The following BCR variants were observed in gnomAD, a reference collection of about 807,000 sequenced individuals.
BCR encodes breakpoint cluster region protein.
Under a neutral mutation model 138.6 loss-of-function variants are expected in BCR, and 58 were observed. The observed-to-expected ratio is 0.42, with a 90% CI of 0.34 to 0.52. The LOEUF (loss-of-function observed/expected upper bound fraction) is 0.52. Ranked by LOEUF, BCR falls within the 20% of genes least tolerant of loss-of-function variation. The pLI is 0.06. For synonymous variants in BCR, 786 were observed against 730.1 expected (o/e 1.08, Z -1.23); for missense variants, 1,599 against 1,727.2 (o/e 0.93, Z 1.32).
chr22:23,290,862 C>G (rs1311702246), intron 14 of BCR: 1 of 214,044 alleles, frequency 4.7e-6, no homozygotes, highest in Non-Finnish European at 9.6e-6. Flanking sequence ...TCTCCCCCAG[C>G]TACTGGAGCT....
At chr22:23,184,816 CCTCA>C (rs1209082089) in intron 1 of BCR, among the ~76,000 whole-genome samples, 1 of 152,182 alleles carries the variant, frequency 6.6e-6, no homozygotes, top group African/African-American at 2.4e-5. Context: ...AAAGAGGAAT[CCTCA>C]CTGGCTCAGC....
At chr22:23,248,934 C>T (rs546432856) in intron 1 of BCR, among the ~76,000 whole-genome samples, 3 of 152,284 alleles carry the variant, frequency 2.0e-5, no homozygotes, top group Admixed American at 2.0e-4. Flanking sequence ...CCAATTGGTT[C>T]TGGCTCTTGG....
intron 1 of BCR, among the ~76,000 whole-genome samples, chr22:23,236,798 G>T (rs1452947528): frequency 6.6e-6 from 1 of 152,248 alleles, no homozygotes; most frequent in African/African-American, 2.4e-5. Context: ...GGGTCTGTCT[G>T]TTAAGCAAGG....
intron 1 of BCR, among the ~76,000 whole-genome samples, chr22:23,209,674 G>T (rs2072659482): frequency 6.6e-6 from 1 of 152,048 alleles, no homozygotes; most frequent in Non-Finnish European, 1.5e-5. Context: ...CTCCCAAGTA[G>T]CTGGGACTAC....
intron 1 of BCR, among the ~76,000 whole-genome samples, chr22:23,242,103 C>T (rs893711658): frequency 2.0e-4 from 31 of 152,162 alleles, no homozygotes; most frequent in African/African-American, 7.0e-4. Flanking sequence ...ATTAGTTTTA[C>T]AGGTGCATGG....
chr22:23,260,961 C>T lies in BCR; in HGVS notation c.1473C>T (p.Asp491=), dbSNP rs1479708205. ...TATTTCTCCTGCAGAGTGAGCTGGA[C>T]TTGGAAAAGGGCTTGGAGATGAGAA... ...ALESTKASEL[D]LEKGLEMRKW... Residue 491 remains aspartate, a synonymous_variant, in exon 3 of 23, where the codon GAC becomes GAT. Coordinates refer to ENST00000305877, the MANE Select transcript of BCR (RefSeq NM_004327.4). 1 of 1,613,840 alleles carries T rather than the reference C, an allele frequency of 6.2e-7. No homozygotes were observed. The highest frequency in any genetic ancestry group is 8.5e-7 in the Non-Finnish European group (1 of 1,179,976).
At chr22:23,198,163 T>G in intron 1 of BCR, 1 of 363,592 alleles carries the variant, frequency 2.8e-6, no homozygotes, top group South Asian at 2.1e-5. Flanking sequence ...TCCAAGTGAG[T>G]ATAGGAGAGA....
chr22:23,275,785 T>C (rs1478587750), intron 8 of BCR, among the ~76,000 whole-genome samples: 1 of 152,192 alleles, frequency 6.6e-6, no homozygotes, highest in African/African-American at 2.4e-5. Flanking sequence ...TGCCTGCTCT[T>C]TCTCTTCTAC....
chr22:23,226,129 G>T (rs113995274), intron 1 of BCR, among the ~76,000 whole-genome samples: 36 of 152,292 alleles, frequency 2.4e-4, no homozygotes, highest in African/African-American at 8.7e-4. Context: ...CTTGCACTCC[G>T]TAAATGATTC....
At chr22:23,303,683 A>G (rs1395511448) in intron 16 of BCR, among the ~76,000 whole-genome samples, 1 of 152,260 alleles carries the variant, frequency 6.6e-6, no homozygotes, top group Non-Finnish European at 1.5e-5. Flanking sequence ...ATGTAAGATC[A>G]CATGAGCAAA....
rs773135676 is a variant in BCR at position 23,181,083 on chromosome 22, C to T, written c.123C>T (p.Ser41=). 28 of 1,516,870 alleles carry T rather than the reference C, an allele frequency of 1.8e-5. No homozygotes were observed. The South Asian group carries it at 3.1e-4, about 17-fold the overall frequency. 94.0% of individuals were successfully genotyped at this position (1,516,870 alleles called of 1,614,324 possible). Residue 41 remains serine (S), a synonymous_variant, in exon 1 of 23, where the codon TCC becomes TCT. Coordinates refer to ENST00000305877, the MANE Select transcript of BCR (RefSeq NM_004327.4). The stretch of plus-strand genomic sequence containing the variant: ...AGGAGCTGGAGCGCTGCAAGGCCTC[C>T]ATTCGGCGCCTGGAGCAGGAGGTGA... The part of the protein sequence containing the change: ...IEQELERCKA[S]IRRLEQEVNQ...
At chr22:23,271,287 G>A (rs1468900742) in intron 5 of BCR, among the ~76,000 whole-genome samples, 1 of 152,254 alleles carries the variant, frequency 6.6e-6, no homozygotes, top group Non-Finnish European at 1.5e-5. Flanking sequence ...AGAATCTGTA[G>A]CCCAAAATGT....
intron 16 of BCR, 108 bp downstream of exon 16, chr22:23,295,263 G>T: frequency 1.2e-5 from 14 of 1,165,948 alleles, no homozygotes; most frequent in African/African-American, 1.5e-5. Context: ...GTGGGGTGGG[G>T]TGGGCAGCTG....
intron 15 of BCR, among the ~76,000 whole-genome samples, chr22:23,292,840 C>T (rs2073803988): frequency 6.6e-6 from 1 of 152,252 alleles, no homozygotes; most frequent in Non-Finnish European, 1.5e-5. Flanking sequence ...TTACCCATCC[C>T]TGTCATCACA....
In BCR at chr22:23,271,537, G is replaced by C; in HGVS notation, c.1866G>C (p.Leu622=). ...NAQFAEISEN[L]RARSNKDAKD... is the part of the protein sequence containing the mutation. ...ATGCGCTTTTCTCTCTGCAGAACCT[G>C]AGAGCCAGAAGCAACAAAGATGCCA... is the stretch of plus-strand genomic sequence containing the variant. Residue 622 remains leucine, a synonymous_variant, in exon 6 of 23, where the codon CTG becomes CTC. Transcript: ENST00000305877. 1 of 1,614,026 alleles carries C rather than the reference G, an allele frequency of 6.2e-7. No individual in the cohort carries two copies. Among genetic ancestry groups the C allele is most frequent in the Non-Finnish European group, 8.5e-7 (1 of 1,179,990 alleles).
Position 23,315,537 on chromosome 22 carries a change from C to T in BCR, c.*15C>T. On this transcript the variant is annotated 3_prime_UTR_variant, in exon 23 of 23. Transcript: ENST00000305877. Reference sequence around the variant, plus strand: ...CCGAAGTCTAAAGGTCCCAGTCCATCTCCTGGAGGCGGACAGATGGCCTGG... The same window carrying T: ...CCGAAGTCTAAAGGTCCCAGTCCATTTCCTGGAGGCGGACAGATGGCCTGG... 1.2e-6 allele frequency: 2 copies of T among 1,610,284 alleles called. No homozygotes were observed. Among genetic ancestry groups the T allele is most frequent in the Non-Finnish European group, 1.7e-6 (2 of 1,178,374 alleles).
chr22:23,290,662 G>T, intron 14 of BCR: 1 of 513,536 alleles, frequency 1.9e-6, no homozygotes, highest in Admixed American at 3.2e-5. Flanking sequence ...GCTGCCCCCT[G>T]CAGGTGGATC....
intron 11 of BCR, 103 bp from the exon 12 acceptor site, chr22:23,287,994 C>T (rs998088367): frequency 5.8e-5 from 66 of 1,138,460 alleles, no homozygotes; most frequent in Admixed American, 8.6e-5. Flanking sequence ...GGGCTCCAGC[C>T]GGCTGGAGAT....
At chr22:23,279,454 C>G (rs936258652) in intron 8 of BCR, among the ~76,000 whole-genome samples, 1 of 152,218 alleles carries the variant, frequency 6.6e-6, no homozygotes, top group Non-Finnish European at 1.5e-5. Flanking sequence ...CTGCCACATC[C>G]CTGCATAGAC....
Sources: allele counts gnomAD v4.1 joint callset (sites outside exome capture counted in the v4.1 genomes callset), GRCh38; gene constraint gnomAD v4.1.1; transcripts MANE v1.5; gene names NCBI Gene and HGNC (gene_info 2026-07-23, HGNC 2026-07-21).